CACNG3: variants seen among roughly 807,000 people sequenced by gnomAD.
CACNG3 encodes voltage-dependent calcium channel gamma-3 subunit.
A neutral mutation model predicts 28.5 loss-of-function variants in CACNG3; 3 were observed. That is an observed-to-expected ratio of 0.11 (90% confidence interval 0.05 to 0.27). The LOEUF is 0.27. Ranked by LOEUF, CACNG3 falls within the 10% of genes least tolerant of loss-of-function variation. The pLI, the probability that CACNG3 is intolerant of heterozygous loss-of-function variation, is 1.00. For missense variants in CACNG3, 236 were observed against 414.4 expected (o/e 0.57, Z 3.74); for synonymous variants, 174 against 162.2 (o/e 1.07, Z -0.55).
intron 1 of CACNG3, among the ~76,000 whole-genome samples, chr16:24,272,508 T>C (rs532249280): frequency 1.5e-4 from 23 of 152,262 alleles, no homozygotes; most frequent in Admixed American, 1.0e-3. Flanking sequence ...ATCATGCACA[T>C]TATTTTATAA....
rs191059850 is a variant in CACNG3, at chr16:24,261,242, C to T, written c.211+4277C>T. 5.9e-5 allele frequency among the ~76,000 whole-genome samples: 9 copies of T among 152,160 alleles called. No individual in the cohort carries two copies. The East Asian group carries it at 7.7e-4, about 13-fold the overall frequency. ...TCTCAGCAGGTTTGGAGGCGGGTAA[C>T]GGTAGATTTGAGAAGATGTATTGTA... On this transcript the variant is annotated intron_variant, in intron 1 of 3. Transcript: ENST00000005284.
At chr16:24,293,242 C>T (rs1898988145) in intron 1 of CACNG3, among the ~76,000 whole-genome samples, 1 of 152,192 alleles carries the variant, frequency 6.6e-6, no homozygotes, top group African/African-American at 2.4e-5. Flanking sequence ...ACTTTCTCTG[C>T]ACCCTGAAAT....
intron 1 of CACNG3, among the ~76,000 whole-genome samples, chr16:24,286,068 T>C (rs1898890012): frequency 6.6e-6 from 1 of 152,180 alleles, no homozygotes; most frequent in Non-Finnish European, 1.5e-5. Context: ...GTTCTTGAAC[T>C]CCTGAGCTCA....
chr16:24,341,444 C>G (rs557177019), intron 1 of CACNG3, among the ~76,000 whole-genome samples: 17 of 152,180 alleles, frequency 1.1e-4, no homozygotes, highest in Non-Finnish European at 2.5e-4. Context: ...GTAATAATAG[C>G]TGTAATATAC....
chr16:24,345,233 G>A (rs370809857), intron 1 of CACNG3, among the ~76,000 whole-genome samples: 8 of 152,210 alleles, frequency 5.3e-5, no homozygotes, highest in African/African-American at 1.2e-4. Context: ...CGTTTCCCAC[G>A]ACATCACAAT....
chr16:24,330,098 T>G (rs1899611455), intron 1 of CACNG3, among the ~76,000 whole-genome samples: 1 of 152,042 alleles, frequency 6.6e-6, no homozygotes, highest in African/African-American at 2.4e-5. Flanking sequence ...GAGACATAAG[T>G]TAAATGCCAC....
chr16:24,354,829 G>T lies in CACNG3; in HGVS notation c.296-4G>T, dbSNP rs577456866. 2.2e-5 allele frequency: 35 copies of T among 1,611,620 alleles called. No individual in the cohort carries two copies. In the Admixed American group the frequency reaches 5.8e-4, roughly 27 times the overall value. ...GGCAGAAGCCTCTCTCCTTCTCTCC[G>T]CAGGAGCTGTGAGGGCCTCCAGTGT... On this transcript the variant is annotated splice_polypyrimidine_tract_variant and splice_region_variant and intron_variant, in intron 2 of 3. Coordinates refer to ENST00000005284, the MANE Select transcript of CACNG3 (RefSeq NM_006539.4).
chr16:24,283,576 T>C (rs1257666260), intron 1 of CACNG3, among the ~76,000 whole-genome samples: 1 of 152,246 alleles, frequency 6.6e-6, no homozygotes, highest in Non-Finnish European at 1.5e-5. Context: ...ACATTCTTAC[T>C]TAGTGAATTT....
At chr16:24,272,025 A>G (rs771599809) in intron 1 of CACNG3, among the ~76,000 whole-genome samples, 81 of 152,250 alleles carry the variant, frequency 5.3e-4, no homozygotes, top group Non-Finnish European at 9.6e-4. Context: ...AGCAGAGGGG[A>G]AAGAGAACAT....
chr16:24,293,047 C>T (rs1473038084), intron 1 of CACNG3, among the ~76,000 whole-genome samples: 3 of 152,232 alleles, frequency 2.0e-5, no homozygotes, highest in Admixed American at 1.3e-4. Context: ...CTCTTGGGAA[C>T]ATCTGGATGA....
chr16:24,331,254 T>C (rs1477573603), intron 1 of CACNG3, among the ~76,000 whole-genome samples: 1 of 152,204 alleles, frequency 6.6e-6, no homozygotes, highest in African/African-American at 2.4e-5. Flanking sequence ...CAGTTCACTC[T>C]AAACCTCCCA....
chr16:24,330,725 C>T (rs1320939461), intron 1 of CACNG3, among the ~76,000 whole-genome samples: 1 of 152,178 alleles, frequency 6.6e-6, no homozygotes, highest in Non-Finnish European at 1.5e-5. Flanking sequence ...AGCTAAGACC[C>T]AGGACACTTG....
chr16:24,289,369 C>T (rs1428192958), intron 1 of CACNG3, among the ~76,000 whole-genome samples: 7 of 151,792 alleles, frequency 4.6e-5, no homozygotes, highest in Non-Finnish European at 1.0e-4. Flanking sequence ...GGAAAAGACA[C>T]ATTTTTTTAA....
chr16:24,339,632 G>A (rs906645692), intron 1 of CACNG3, among the ~76,000 whole-genome samples: 4 of 151,996 alleles, frequency 2.6e-5, no homozygotes, highest in East Asian at 1.9e-4. Context: ...GTGATCCACC[G>A]GCCTCAGCCT....
At chr16:24,355,051 C>T in intron 3 of CACNG3, 78 bp downstream of exon 3, 2 of 1,392,268 alleles carry the variant, frequency 1.4e-6, no homozygotes, top group East Asian at 2.3e-5. Context: ...AGCAATGCTA[C>T]TCAGGGCTCC....
At chr16:24,297,131 T>A (rs1899041586) in intron 1 of CACNG3, among the ~76,000 whole-genome samples, 1 of 152,022 alleles carries the variant, frequency 6.6e-6, no homozygotes, top group Non-Finnish European at 1.5e-5. Context: ...GTTGCAAGAC[T>A]GTGCTACTTA....
rs572351387 is a variant in CACNG3 at position 24,328,771 on chromosome 16, G to A, written c.212-17963G>A. Among the ~76,000 whole-genome samples the A allele has an allele frequency of 3.1e-3, 470 of 152,256 alleles. 2 individuals are homozygous for A. Among genetic ancestry groups the A allele is most frequent in the African/African-American group, 0.01 (429 of 41,548 alleles). ...CAAAGGCCTGGCAGCCATAAGACAT[G>A]TACTCACCAGTGCACCCACACAGAG... On this transcript the variant is annotated intron_variant, in intron 1 of 3. Transcript: ENST00000005284.
At chr16:24,346,639 C>T in intron 1 of CACNG3, 95 bp from the exon 2 acceptor site, 2 of 822,818 alleles carry the variant, frequency 2.4e-6, no homozygotes, top group Middle Eastern at 3.0e-4. Context: ...CCCCAACAAC[C>T]AGAGAAAGGA....
chr16:24,319,396 G>A (rs529449549), intron 1 of CACNG3, among the ~76,000 whole-genome samples: 74 of 152,310 alleles, frequency 4.9e-4, no homozygotes, highest in African/African-American at 1.7e-3. Context: ...CAGTTGCTGG[G>A]AAGATGTCCT....
Sources: gnomAD v4.1 joint callset for allele counts (sites outside exome capture counted in the v4.1 genomes callset) on GRCh38, gnomAD v4.1.1 for gene constraint, MANE v1.5 for transcripts, NCBI Gene and HGNC (gene_info 2026-07-23, HGNC 2026-07-21) for gene names.